ACO1: variants seen among roughly 807,000 people sequenced by gnomAD.
ACO1 encodes aconitase 1, also known as cytoplasmic aconitate hydratase.
Under a neutral mutation model 105.1 loss-of-function variants are expected in ACO1, and 78 were observed. The observed-to-expected ratio is 0.74, with a 90% CI of 0.62 to 0.90. ACO1 has a LOEUF of 0.90. Ranked by LOEUF, ACO1 falls within the 40% of genes least tolerant of loss-of-function variation. The pLI is 0.00. For missense variants in ACO1, 965 were observed against 1,111.1 expected (o/e 0.87, Z 1.87); for synonymous variants, 364 against 397.4 (o/e 0.92, Z 1.00).
At chr9:32,436,134 G>T (rs774472134) in intron 17 of ACO1, 116 bp from the exon 18 acceptor site, 3 of 1,384,614 alleles carry the variant, frequency 2.2e-6, no homozygotes, top group Non-Finnish European at 3.0e-6. Flanking sequence ...AGGAGACTTA[G>T]AGAAATAGCC....
rs948323734 is a variant in ACO1, at chr9:32,453,901, G to A, written c.*3790G>A. The A allele has an allele frequency of 6.6e-6, 1 of 152,214 alleles. No individual in the cohort carries two copies. Among genetic ancestry groups the A allele is most frequent in the African/African-American group, 2.4e-5 (1 of 41,460 alleles). The allele number at this position is 152,214 out of a possible 1,614,324, so 9.4% of individuals were successfully genotyped here. On this transcript the variant is annotated 3_prime_UTR_variant, in exon 21 of 21. Transcript: ENST00000309951. Reference sequence around the variant, plus strand: ...ATTATATAACGATAGCTGATATTAAGTAAGTTTTAAAAGTTGACATCCCAA... The same window carrying A: ...ATTATATAACGATAGCTGATATTAAATAAGTTTTAAAAGTTGACATCCCAA...
chr9:32,395,529 T>C (rs1164258970), intron 1 of ACO1, among the ~76,000 whole-genome samples: 1 of 151,970 alleles, frequency 6.6e-6, no homozygotes, highest in Non-Finnish European at 1.5e-5. Flanking sequence ...TTAGTTGAGG[T>C]ATCTGCAGGT....
At chr9:32,392,574 G>A (rs62571708) in intron 1 of ACO1, among the ~76,000 whole-genome samples, 24,526 of 152,066 alleles carry the variant, frequency 0.16, 2,250 homozygotes, top group South Asian at 0.29. Context: ...GCCCCTGCCC[G>A]CAGGAGATCT....
At position 32,447,580 on chromosome 9, in the gene ACO1, C is replaced by T. The variant is rs1198094146; in HGVS notation, c.2371-1316C>T. ...AGCCTGCTTCTGTCAATTTGTCAAT[C>T]TCATTCACCGTCTAGTTTTGTTCCC... On this transcript the variant is annotated intron_variant, in intron 19 of 20. Transcript: ENST00000309951. 2.6e-5 allele frequency among the ~76,000 whole-genome samples: 4 copies of T among 152,326 alleles called. No individual in the cohort carries two copies. The East Asian group carries it at 7.7e-4, about 29-fold the overall frequency.
At chr9:32,414,586 C>T (rs1380763725) in intron 4 of ACO1, among the ~76,000 whole-genome samples, 1 of 152,134 alleles carries the variant, frequency 6.6e-6, no homozygotes, top group East Asian at 1.9e-4. Context: ...CAAACTGATA[C>T]CCCCAGCATT....
rs1821635683 is a variant in ACO1, at chr9:32,407,392, C to T, written c.229C>T (p.Pro77Ser). ...CACGCAGCACAAGAACATAGAAGTG[C>T]CATTTAAGCCTGCTCGTGTCATCCT... The part of the protein sequence containing the change: ...NVTQHKNIEV[P>S]FKPARVILQD... The change falls in exon 3 of 21, where the codon CCA (proline) becomes TCA (serine). Residue 77 changes from proline (P) to serine (S), a missense_variant. Physicochemically the swap from Pro to Ser is moderately conservative, Grantham distance 74 (BLOSUM62 -1). Coordinates refer to ENST00000309951, the MANE Select transcript of ACO1 (RefSeq NM_002197.3). 1.2e-6 allele frequency: 2 copies of T among 1,614,048 alleles called. No individual in the cohort carries two copies. Among genetic ancestry groups the T allele is most frequent in the Non-Finnish European group, 1.7e-6 (2 of 1,179,962 alleles).
At position 32,429,308 on chromosome 9, in the gene ACO1, A is replaced by T. The variant is rs557981311; in HGVS notation, c.1485-111A>T. 12 of 877,950 alleles carry T rather than the reference A, an allele frequency of 1.4e-5. No individual in the cohort carries two copies. The South Asian group carries it at 1.8e-4, about 13-fold the overall frequency. The allele number at this position is 877,950 out of a possible 1,614,324, so 54.4% of individuals were successfully genotyped here. On this transcript the variant is annotated intron_variant, in intron 12 of 20. Transcript: ENST00000309951. ...AATAGCACTATACTGAACTTAGTTC[A>T]TGCACTGCAATTCCTTTTTGAACAG...
chr9:32,447,185 T>TGTCA (rs1226312528), intron 19 of ACO1, among the ~76,000 whole-genome samples: 1 of 152,226 alleles, frequency 6.6e-6, no homozygotes, highest in Non-Finnish European at 1.5e-5. Context: ...TCATTCTCCC[T>TGTCA]GTCACTTTCA....
intron 14 of ACO1, among the ~76,000 whole-genome samples, chr9:32,430,901 A>T (rs1192164652): frequency 6.6e-6 from 1 of 152,194 alleles, no homozygotes; most frequent in Non-Finnish European, 1.5e-5. Flanking sequence ...GTAGAAACAT[A>T]CTGCAGATAT....
chr9:32,419,274 G>A, intron 7 of ACO1, 97 bp downstream of exon 7: 1 of 1,318,278 alleles, frequency 7.6e-7, no homozygotes, highest in Non-Finnish European at 1.0e-6. Context: ...GTTTCCAAGT[G>A]CTCTAGCAAT....
At chr9:32,443,616 C>G (rs967560656) in intron 19 of ACO1, among the ~76,000 whole-genome samples, 1 of 152,122 alleles carries the variant, frequency 6.6e-6, no homozygotes, top group Non-Finnish European at 1.5e-5. Flanking sequence ...CAGAGTATTT[C>G]CAGATGTGCA....
At chr9:32,401,174 A>G (rs1403221732) in intron 1 of ACO1, among the ~76,000 whole-genome samples, 1 of 151,716 alleles carries the variant, frequency 6.6e-6, no homozygotes, top group African/African-American at 2.4e-5. Flanking sequence ...ACCTAAATTT[A>G]AGTTGTTTTT....
At position 32,423,181 on chromosome 9, in the gene ACO1, T is replaced by C. The variant is rs533454002; in HGVS notation, c.971-138T>C. 5.7e-6 allele frequency: 3 copies of C among 525,190 alleles called. No individual in the cohort carries two copies. In the South Asian group the frequency reaches 8.3e-5, roughly 14 times the overall value. 32.5% of individuals were successfully genotyped at this position (525,190 alleles called of 1,614,324 possible). A position where few individuals can be genotyped will look rare whatever the true frequency, so the allele number is the denominator to read the frequency against. On this transcript the variant is annotated intron_variant, in intron 8 of 20. Coordinates refer to ENST00000309951, the MANE Select transcript of ACO1 (RefSeq NM_002197.3). Reference sequence around the variant, plus strand: ...AACCATTAGCCTGGAAGCCTAAAAATTGACAGAGCTGTTGGTGTGTGTGTA... The same window carrying C: ...AACCATTAGCCTGGAAGCCTAAAAACTGACAGAGCTGTTGGTGTGTGTGTA...
chr9:32,405,176 C>T (rs914599083), intron 1 of ACO1, among the ~76,000 whole-genome samples: 5 of 152,294 alleles, frequency 3.3e-5, no homozygotes, highest in African/African-American at 7.2e-5. Context: ...GTCTTGCGCC[C>T]GTTACCGGTA....
chr9:32,389,246 A>G (rs1821215617), intron 1 of ACO1, among the ~76,000 whole-genome samples: 2 of 152,228 alleles, frequency 1.3e-5, no homozygotes. Context: ...TGCATGTACA[A>G]AGGCAGCGGA....
rs956619580 is a variant in ACO1, at chr9:32,453,419, G to A, written c.*3308G>A. 1.3e-5 allele frequency: 2 copies of A among 149,450 alleles called. No individual in the cohort carries two copies. Among genetic ancestry groups the A allele is most frequent in the African/African-American group, 4.9e-5 (2 of 40,726 alleles). The allele number at this position is 149,450 out of a possible 1,614,324, so 9.3% of individuals were successfully genotyped here. ...CAGTGGTGGCCATGACTATGGGCTT[G>A]ATTGGATCTAGTGACTCAAGCTCCC... On this transcript the variant is annotated 3_prime_UTR_variant, in exon 21 of 21. Transcript: ENST00000309951.
intron 6 of ACO1, 21 bp downstream of exon 6, chr9:32,418,532 G>C (rs1227706073): frequency 1.2e-6 from 2 of 1,601,202 alleles, no homozygotes; most frequent in Non-Finnish European, 1.7e-6. Context: ...TTCCATATAT[G>C]CTGTTTTGGG....
chr9:32,399,964 C>CTTTTTTTTTTTTTTTTTTTT (rs1300474052), intron 1 of ACO1, among the ~76,000 whole-genome samples: 1 of 42,430 alleles, frequency 2.4e-5, no homozygotes, highest in Non-Finnish European at 4.9e-5. Context: ...TTTTCTTTTT[C>CTTTTTTTTTTTTTTTTTTTT]TGTTTTTTTT....
intron 12 of ACO1, among the ~76,000 whole-genome samples, chr9:32,428,166 C>T (rs954978302): frequency 2.0e-5 from 3 of 151,744 alleles, no homozygotes; most frequent in African/African-American, 7.3e-5. Flanking sequence ...TGCCTGTAGT[C>T]CCAGCTTCTC....
Sources: gnomAD v4.1 joint callset for allele counts (sites outside exome capture counted in the v4.1 genomes callset) on GRCh38, gnomAD v4.1.1 for gene constraint, MANE v1.5 for transcripts, NCBI Gene and HGNC (gene_info 2026-07-23, HGNC 2026-07-21) for gene names.